OLAH: variants seen among roughly 807,000 people sequenced by gnomAD.
The protein encoded by OLAH is S-acyl fatty acid synthase thioesterase, medium chain.
In OLAH, 33 loss-of-function variants were observed where a neutral mutation model predicts 27.8. The ratio of observed to expected loss-of-function variants is 1.19; its 90% CI spans 0.90 to 1.59. The LOEUF (loss-of-function observed/expected upper bound fraction) is 1.59, where lower values mean the gene tolerates loss of function less well. OLAH is among the 40% of genes most tolerant of loss of function. The pLI, the probability that OLAH is intolerant of heterozygous loss-of-function variation, is 0.00. For synonymous variants in OLAH, 120 were observed against 102.9 expected (o/e 1.17, Z -1.01); for missense variants, 359 against 310.8 (o/e 1.16, Z -1.17).
Position 15,049,613 on chromosome 10 carries a change from T to G in OLAH, c.33-22T>G, listed in dbSNP as rs1844092158. ...CTTAATTGATATACATAATGTTAAA[T>G]ATATTTGAATTTTCTCCCTAGGAAT... On this transcript the variant is annotated intron_variant, in intron 2 of 7. Transcript: ENST00000378228. 6 of 1,507,258 alleles carry G rather than the reference T, an allele frequency of 4.0e-6. No individual in the cohort carries two copies. In the East Asian group the frequency reaches 1.4e-4, roughly 34 times the overall value. 93.4% of individuals were successfully genotyped at this position (1,507,258 alleles called of 1,614,324 possible).
At chr10:15,040,939 C>G (rs1229282405), upstream of OLAH, among the ~76,000 whole-genome samples, 1 of 152,210 alleles carries the variant, frequency 6.6e-6, no homozygotes, top group Non-Finnish European at 1.5e-5. Context: ...TAAGCACTGT[C>G]TCCCTACCTC....
In OLAH at chr10:15,064,378, T is replaced by C. The variant is rs374133383; in HGVS notation, c.303-25T>C. On this transcript the variant is annotated intron_variant, in intron 4 of 7. Coordinates refer to ENST00000378228, the MANE Select transcript of OLAH (RefSeq NM_001039702.3). ...CACGAGTTTTGCTTAACAGTTCTTGTCATGTTTTTCTTTGCTGAATTTAGT... is the reference window on the plus strand; with the variant it reads ...CACGAGTTTTGCTTAACAGTTCTTGCCATGTTTTTCTTTGCTGAATTTAGT... The C allele has an allele frequency of 6.3e-6, 9 of 1,419,842 alleles. No homozygotes were observed. The African/African-American group carries it at 9.9e-5, about 16-fold the overall frequency. The allele number at this position is 1,419,842 out of a possible 1,614,324, so 88.0% of individuals were successfully genotyped here. A position where few individuals can be genotyped will look rare whatever the true frequency, so the allele number is the denominator to read the frequency against.
At chr10:15,034,143 T>C (rs1843804744) in intron 1 of OLAH, among the ~76,000 whole-genome samples, 1 of 145,484 alleles carries the variant, frequency 6.9e-6, no homozygotes, top group African/African-American at 2.6e-5. Context: ...AGACGGAGTC[T>C]CGCTCTGTCA....
At chr10:15,043,150 G>A (rs777275030), upstream of OLAH, among the ~76,000 whole-genome samples, 35 of 151,790 alleles carry the variant, frequency 2.3e-4, no homozygotes, top group South Asian at 3.1e-3. Context: ...GTGAGCCACC[G>A]CGTCCAGCCA....
chr10:15,064,099 C>A (rs937252225), intron 4 of OLAH, among the ~76,000 whole-genome samples: 1 of 152,030 alleles, frequency 6.6e-6, no homozygotes, highest in African/African-American at 2.4e-5. Flanking sequence ...TTGAGAACTG[C>A]GGATATATAC....
chr10:15,061,991 G>A (rs1844377118), intron 4 of OLAH, 129 bp downstream of exon 4: 1 of 813,996 alleles, frequency 1.2e-6, no homozygotes, highest in African/African-American at 1.8e-5. Flanking sequence ...AGGTAATTAT[G>A]GCCATCACAA....
At position 15,056,830 on chromosome 10, in the gene OLAH, C is replaced by A. The variant is rs976172147; in HGVS notation, c.164-4894C>A. On this transcript the variant is annotated intron_variant, in intron 3 of 7. Transcript: ENST00000378228. Reference sequence around the variant, plus strand: ...TTATTTTATTTTTTTGTAGAGACAGCATCTCACCATGTTGCCAAGGCTGGT... The same window carrying A: ...TTATTTTATTTTTTTGTAGAGACAGAATCTCACCATGTTGCCAAGGCTGGT... 2.0e-6 allele frequency: 3 copies of A among 1,497,948 alleles called. No homozygotes were observed. The Admixed American group carries it at 6.9e-5, about 34-fold the overall frequency. The allele number at this position is 1,497,948 out of a possible 1,614,324, so 92.8% of individuals were successfully genotyped here.
Position 15,057,444 on chromosome 10 carries a change from G to T in OLAH, c.164-4280G>T, listed in dbSNP as rs1844269125. Among the ~76,000 whole-genome samples, 4 of 142,172 alleles carry T rather than the reference G, an allele frequency of 2.8e-5. No individual in the cohort carries two copies. The Admixed American group carries it at 3.0e-4, about 11-fold the overall frequency. 93.3% of individuals were successfully genotyped at this position (142,172 alleles called of 152,430 possible). A position where few individuals can be genotyped will look rare whatever the true frequency, so the allele number is the denominator to read the frequency against. ...ATGGAGTCTCGCTCTGGAGTGCAAT[G>T]GCACAATCTCAGCTCACTGCAGCTT... is the stretch of plus-strand genomic sequence containing the variant. On this transcript the variant is annotated intron_variant, in intron 3 of 7. Coordinates refer to ENST00000378228, the MANE Select transcript of OLAH (RefSeq NM_001039702.3).
At chr10:15,066,079 A>C (rs906922190) in intron 6 of OLAH, among the ~76,000 whole-genome samples, 2 of 152,146 alleles carry the variant, frequency 1.3e-5, no homozygotes, top group South Asian at 4.1e-4. Context: ...CATCTCTACC[A>C]AAAATACAAA....
At chr10:15,036,060 G>C (rs773493152) in intron 1 of OLAH, among the ~76,000 whole-genome samples, 2 of 152,178 alleles carry the variant, frequency 1.3e-5, no homozygotes, top group Non-Finnish European at 2.9e-5. Flanking sequence ...ACCAGCAAAG[G>C]AAACTGCACA....
At chr10:15,040,362 T>A (rs769292896), upstream of OLAH, among the ~76,000 whole-genome samples, 2 of 152,176 alleles carry the variant, frequency 1.3e-5, no homozygotes, top group Non-Finnish European at 2.9e-5. Context: ...CTGACACCAG[T>A]GGTGAAAGAT....
At chr10:15,066,830 G>T (rs559136795) in intron 6 of OLAH, among the ~76,000 whole-genome samples, 30 of 151,896 alleles carry the variant, frequency 2.0e-4, no homozygotes, top group Non-Finnish European at 3.7e-4. Context: ...AGTAGAGACG[G>T]GTTTTCACCT....
At chr10:15,039,148 C>A (rs59320248), upstream of OLAH, among the ~76,000 whole-genome samples, 1 of 151,954 alleles carries the variant, frequency 6.6e-6, no homozygotes, top group African/African-American at 2.4e-5. Context: ...ATTGCTTGAG[C>A]CTGGGAAGTT....
chr10:15,041,287 T>A (rs933696375), upstream of OLAH, among the ~76,000 whole-genome samples: 1 of 80,300 alleles, frequency 1.2e-5, no homozygotes, highest in Non-Finnish European at 3.1e-5. Context: ...TTTATTTTTA[T>A]TTTTTTTGAG....
chr10:15,062,366 A>G (rs952050041), intron 4 of OLAH, among the ~76,000 whole-genome samples: 27 of 152,248 alleles, frequency 1.8e-4, no homozygotes, highest in African/African-American at 6.3e-4. Flanking sequence ...AATTTTGGCT[A>G]TTATATAAGA....
intron 6 of OLAH, 32 bp downstream of exon 6, chr10:15,065,785 T>C: frequency 6.4e-7 from 1 of 1,564,268 alleles, no homozygotes; most frequent in Non-Finnish European, 8.7e-7. Flanking sequence ...TTTTCTTTTT[T>C]TGGTACAATT....
upstream of OLAH, among the ~76,000 whole-genome samples, chr10:15,039,786 G>A (rs917645139): frequency 5.3e-5 from 8 of 152,334 alleles, no homozygotes; most frequent in African/African-American, 1.7e-4. Flanking sequence ...CAGTTTGGAA[G>A]ACAAGGCCCC....
At chr10:15,064,302 T>C (rs1473747032) in intron 4 of OLAH, 101 bp from the exon 5 acceptor site, 10 of 673,912 alleles carry the variant, frequency 1.5e-5, no homozygotes, top group Non-Finnish European at 2.6e-5. Context: ...ATCTATTACA[T>C]GATCATTGTT....
At position 15,064,445 on chromosome 10, in the gene OLAH, A is replaced by C; in HGVS notation, c.345A>C (p.Lys115Asn). ...CTTTTAGGACTGCACTAGGTCTAAAAGAAAACAATCAACCAGAACCATTGC... is the reference window on the plus strand; with the variant it reads ...CTTTTAGGACTGCACTAGGTCTAAACGAAAACAATCAACCAGAACCATTGC... The part of the protein sequence containing the change: ...YIAFRTALGL[K>N]ENNQPEPLHL... The change falls in exon 5 of 8, where the codon AAA becomes AAC. Residue 115 changes from lysine (K) to asparagine (N), a missense_variant. Coordinates refer to ENST00000378228, the MANE Select transcript of OLAH (RefSeq NM_001039702.3). 1 of 1,598,890 alleles carries C rather than the reference A, an allele frequency of 6.3e-7. No individual in the cohort carries two copies. Among genetic ancestry groups the C allele is most frequent in the Non-Finnish European group, 8.5e-7 (1 of 1,174,926 alleles).
Sources: allele counts gnomAD v4.1 joint callset (sites outside exome capture counted in the v4.1 genomes callset), GRCh38; gene constraint gnomAD v4.1.1; transcripts MANE v1.5; gene names NCBI Gene and HGNC (gene_info 2026-07-23, HGNC 2026-07-21).